The following PRPH2 variants were observed in gnomAD, a reference collection of about 807,000 sequenced individuals.
PRPH2 encodes the protein peripherin-2.
PRPH2 carries 17 observed loss-of-function variants against 31.3 expected under a neutral mutation model. The observed-to-expected ratio is 0.54, with a 90% CI of 0.37 to 0.81. The LOEUF (loss-of-function observed/expected upper bound fraction) is 0.81. PRPH2 is among the 40% of genes least tolerant of loss of function. The pLI is 0.00. For synonymous variants in PRPH2, 165 were observed against 184.4 expected, an observed-to-expected ratio of 0.89 and a Z score of 0.85; for missense variants, 430 against 439.7, an observed-to-expected ratio of 0.98 and a Z score of 0.20.
intron 1 of PRPH2, among the ~76,000 whole-genome samples, chr6:42,716,612 GT>G (rs145765747): frequency 0.6 from 67,030 of 112,530 alleles, 18,290 homozygotes; most frequent in Middle Eastern, 0.69. Flanking sequence ...GGTTTGGTTG[GT>G]TTTTTTTTTT....
At chr6:42,711,416 A>T (rs1761638325) in intron 1 of PRPH2, among the ~76,000 whole-genome samples, 1 of 152,222 alleles carries the variant, frequency 6.6e-6, no homozygotes, top group Admixed American at 6.5e-5. Context: ...GAGGAGACAC[A>T]GCCCCGTCCT....
At chr6:42,714,009 G>A (rs1428762299) in intron 1 of PRPH2, among the ~76,000 whole-genome samples, 5 of 151,338 alleles carry the variant, frequency 3.3e-5, no homozygotes, top group African/African-American at 7.3e-5. Context: ...AAGCAGCCTG[G>A]ATAATTTGAG....
intron 2 of PRPH2, among the ~76,000 whole-genome samples, chr6:42,703,817 T>C (rs1800092172): frequency 6.6e-6 from 1 of 152,044 alleles, no homozygotes; most frequent in African/African-American, 2.4e-5. Flanking sequence ...AAAAAAACAA[T>C]TGTCGGTCGG....
intron 1 of PRPH2, among the ~76,000 whole-genome samples, chr6:42,706,582 A>G (rs895256450): frequency 7.1e-6 from 1 of 140,202 alleles, no homozygotes; most frequent in Non-Finnish European, 1.5e-5. Context: ...CTCTGTCTCA[A>G]AAAACAAAAA....
intron 1 of PRPH2, among the ~76,000 whole-genome samples, chr6:42,709,181 T>G (rs1014314563): frequency 6.6e-6 from 1 of 151,208 alleles, no homozygotes; most frequent in Non-Finnish European, 1.5e-5. Context: ...ATACAAAAAA[T>G]TAGCCGGGCG....
At position 42,698,375 on chromosome 6, in the gene PRPH2, C is replaced by T. The variant is rs749391375; in HGVS notation, c.961G>A (p.Glu321Lys). The T allele has an allele frequency of 5.6e-6, 9 of 1,613,908 alleles. No homozygotes were observed. Among genetic ancestry groups the T allele is most frequent in the Non-Finnish European group, 7.6e-6 (9 of 1,179,820 alleles). Residue 321 changes from glutamate (E) to lysine (K), a missense_variant, in exon 3 of 3, where the codon GAG (glutamate) becomes AAG (lysine). Glu to Lys is a moderately conservative substitution (Grantham distance 56, BLOSUM62 1). Coordinates refer to ENST00000230381, the MANE Select transcript of PRPH2 (RefSeq NM_000322.5). ...CCCTTGCCCAGCTTCTTCACACTCT[C>T]CAGAAAGGCCTTCCAGGTCTCCGGC... ...SVPETWKAFLESVKKLGKGNQ... is the reference protein window; with the variant it reads ...SVPETWKAFLKSVKKLGKGNQ...
At position 42,704,559 on chromosome 6, in the gene PRPH2, T is replaced by G. The variant is rs61755800; in HGVS notation, c.634A>C (p.Ser212Arg). The change falls in exon 2 of 3, where the codon AGC becomes CGC. Residue 212 changes from serine to arginine, a missense_variant. By Grantham distance (110) the Ser-to-Arg change is moderately radical. Coordinates refer to ENST00000230381, the MANE Select transcript of PRPH2 (RefSeq NM_000322.5). The stretch of plus-strand genomic sequence containing the variant: ...CGTGGCGAGCTAGGATTGCAGCAGC[T>G]GAAAGGGACGCCGTCCACCAGGTAC... Reference protein sequence around the residue: ...GRYLVDGVPFSCCNPSSPRPC... With the variant: ...GRYLVDGVPFRCCNPSSPRPC... The G allele has an allele frequency of 1.2e-6, 2 of 1,614,116 alleles. No homozygotes were observed. Among genetic ancestry groups the G allele is most frequent in the Admixed American group, 1.7e-5 (1 of 60,012 alleles).
chr6:42,713,294 T>A (rs1198088050), intron 1 of PRPH2, among the ~76,000 whole-genome samples: 1 of 151,784 alleles, frequency 6.6e-6, no homozygotes, highest in East Asian at 1.9e-4. Context: ...ACAGAGTCAG[T>A]GAGGGAGACA....
chr6:42,718,655 T>A (rs1048066846), intron 1 of PRPH2, among the ~76,000 whole-genome samples: 39 of 151,818 alleles, frequency 2.6e-4, no homozygotes, highest in South Asian at 6.2e-4. Context: ...TTCATATATT[T>A]TTTTTTTTTC....
In PRPH2 at chr6:42,719,358, T is replaced by C. The variant is rs145880437; in HGVS notation, c.581+2396A>G. On this transcript the variant is annotated intron_variant, in intron 1 of 2. Coordinates refer to ENST00000230381, the MANE Select transcript of PRPH2 (RefSeq NM_000322.5). ...CCCAGCTAATTTTCTGTATTTTTAG[T>C]AGAGATGAGGTTTCACTATTTTGGT... is the stretch of plus-strand genomic sequence containing the variant. Among the ~76,000 whole-genome samples, 195 of 151,942 alleles carry C rather than the reference T, an allele frequency of 1.3e-3. 1 individual carries two copies. The highest frequency in any genetic ancestry group is 4.5e-3 in the African/African-American group (185 of 41,450).
chr6:42,708,689 G>A (rs1425860462), intron 1 of PRPH2, among the ~76,000 whole-genome samples: 1 of 152,170 alleles, frequency 6.6e-6, no homozygotes, highest in Non-Finnish European at 1.5e-5. Context: ...CTTCCCCTCA[G>A]TACAGTGTCC....
chr6:42,704,195 G>A (rs929947508), intron 2 of PRPH2, among the ~76,000 whole-genome samples, 170 bp downstream of exon 2: 1 of 147,836 alleles, frequency 6.8e-6, no homozygotes, highest in Non-Finnish European at 1.5e-5. Context: ...AAATACAAAA[G>A]GTGGAGGCCC....
chr6:42,713,213 A>G (rs2152007924), intron 1 of PRPH2, among the ~76,000 whole-genome samples: 1 of 148,362 alleles, frequency 6.7e-6, no homozygotes, highest in East Asian at 2.0e-4. Context: ...CGACAGAGTG[A>G]AACTCCATCT....
intron 1 of PRPH2, among the ~76,000 whole-genome samples, chr6:42,714,830 C>A (rs116499323): frequency 0.011 from 1,742 of 152,156 alleles, 37 homozygotes; most frequent in African/African-American, 0.04. Flanking sequence ...AGCTGATTTT[C>A]TTTTTTTGTC....
intron 2 of PRPH2, 138 bp downstream of exon 2, chr6:42,704,227 C>T: frequency 8.8e-7 from 1 of 1,141,898 alleles, no homozygotes; most frequent in Non-Finnish European, 1.3e-6. Context: ...CAAGCCCAGA[C>T]TGATCTGACC....
intron 2 of PRPH2, 57 bp from the exon 3 acceptor site, chr6:42,698,564 C>A: frequency 6.2e-7 from 1 of 1,605,454 alleles, no homozygotes; most frequent in South Asian, 1.1e-5. Flanking sequence ...GGAGCTGGAC[C>A]ATTAGGAAAC....
At chr6:42,720,501 T>G (rs1761881005) in intron 1 of PRPH2, among the ~76,000 whole-genome samples, 1 of 152,132 alleles carries the variant, frequency 6.6e-6, no homozygotes, top group Non-Finnish European at 1.5e-5. Flanking sequence ...CTCTCCTGAC[T>G]GGGGATTTGC....
chr6:42,714,447 C>T (rs1044897926), intron 1 of PRPH2, among the ~76,000 whole-genome samples: 1 of 152,188 alleles, frequency 6.6e-6, no homozygotes, highest in Non-Finnish European at 1.5e-5. Context: ...TGTGAATATA[C>T]TAAAAACCAT....
At chr6:42,719,906 A>T (rs1036478885) in intron 1 of PRPH2, among the ~76,000 whole-genome samples, 3 of 152,202 alleles carry the variant, frequency 2.0e-5, no homozygotes, top group Non-Finnish European at 4.4e-5. Context: ...CTGTATGATT[A>T]TGTAAATGTT....
Sources: allele counts gnomAD v4.1 joint callset (sites outside exome capture counted in the v4.1 genomes callset), GRCh38; gene constraint gnomAD v4.1.1; transcripts MANE v1.5; gene names NCBI Gene and HGNC (gene_info 2026-07-23, HGNC 2026-07-21).